The following PAX2 variants were observed in gnomAD, a reference collection of about 807,000 sequenced individuals.
The protein encoded by PAX2 is paired box 2, also known as paired box protein Pax-2.
Under a neutral mutation model 41.7 loss-of-function variants are expected in PAX2, and 9 were observed. The observed-to-expected ratio is 0.22, with a 90% CI of 0.13 to 0.38. The LOEUF (loss-of-function observed/expected upper bound fraction) is 0.38. Among genes scored for constraint, PAX2 ranks in the 10% least tolerant of loss-of-function variants. The pLI is 1.00. For synonymous variants in PAX2, 221 were observed against 212.7 expected (o/e 1.04, Z -0.34); for missense variants, 418 against 531.6 (o/e 0.79, Z 2.10).
chr10:100,786,454 A>G (rs528463785), intron 5 of PAX2, among the ~76,000 whole-genome samples: 28 of 152,324 alleles, frequency 1.8e-4, no homozygotes, highest in Admixed American at 1.0e-3. Flanking sequence ...TACCTTGGAA[A>G]ATGTATGTTT....
At chr10:100,825,596 C>G (rs185702882) in intron 8 of PAX2, among the ~76,000 whole-genome samples, 147 of 152,298 alleles carry the variant, frequency 9.7e-4, no homozygotes, top group African/African-American at 3.3e-3. Context: ...CTCACTCAGC[C>G]AGCAACTCAC....
At position 100,748,907 on chromosome 10, in the gene PAX2, G is replaced by A. The variant is rs1845321145; in HGVS notation, c.44-839G>A. The A allele has an allele frequency of 4.1e-6, 4 of 985,246 alleles. No homozygotes were observed. In the African/African-American group the frequency reaches 5.2e-5, roughly 13 times the overall value. 61.0% of individuals were successfully genotyped at this position (985,246 alleles called of 1,614,324 possible). ...CTATGCCGTGCCACCTGGGCGAGAC[G>A]GTGGGCCCCAACCAGGCTCTGCGAG... On this transcript the variant is annotated intron_variant, in intron 1 of 9. Transcript: ENST00000355243. The surrounding 1 kb of genome is among the most constrained non-coding windows in gnomAD (Gnocchi z 5.0).
At chr10:100,769,215 A>G (rs1846125399) in intron 3 of PAX2, among the ~76,000 whole-genome samples, 1 of 152,218 alleles carries the variant, frequency 6.6e-6, no homozygotes, top group African/African-American at 2.4e-5. Flanking sequence ...TAGATTATGG[A>G]CAATAATCTT....
At chr10:100,772,447 C>A (rs1007780693) in intron 3 of PAX2, among the ~76,000 whole-genome samples, 1 of 152,238 alleles carries the variant, frequency 6.6e-6, no homozygotes, top group African/African-American at 2.4e-5. Flanking sequence ...AGCCACCATG[C>A]CTGGCTGCAA....
intron 1 of PAX2, among the ~76,000 whole-genome samples, chr10:100,737,451 A>G (rs1844812344): frequency 6.6e-6 from 1 of 152,094 alleles, no homozygotes; most frequent in South Asian, 2.1e-4. Flanking sequence ...CAGCGGCCCG[A>G]CTCCGCACCG....
At chr10:100,769,680 A>AAAAAT (rs1564717111) in intron 3 of PAX2, among the ~76,000 whole-genome samples, 2 of 150,822 alleles carry the variant, frequency 1.3e-5, no homozygotes, top group African/African-American at 2.4e-5. Context: ...AAAAAAATAA[A>AAAAAT]AAACAAAAAA....
At chr10:100,762,714 AAGAC>A (rs1392729068) in intron 3 of PAX2, among the ~76,000 whole-genome samples, 1 of 152,320 alleles carries the variant, frequency 6.6e-6, no homozygotes, top group South Asian at 2.1e-4. Flanking sequence ...GAAATGATAA[AAGAC>A]AGAGCACTAA....
chr10:100,743,432 G>A (rs576972178), upstream of PAX2, among the ~76,000 whole-genome samples: 23 of 152,112 alleles, frequency 1.5e-4, no homozygotes, highest in Non-Finnish European at 3.1e-4. Flanking sequence ...GGAAGGGGGG[G>A]GGTTTACTCA....
At chr10:100,786,709 C>T (rs1261053113) in intron 5 of PAX2, among the ~76,000 whole-genome samples, 4 of 152,186 alleles carry the variant, frequency 2.6e-5, no homozygotes, top group Non-Finnish European at 5.9e-5. Context: ...CATCACCCTA[C>T]CTTCTGCTGA....
Position 100,748,323 on chromosome 10 carries a change from G to A in PAX2, c.44-1423G>A, listed in dbSNP as rs1845283037. The A allele has an allele frequency of 2.0e-6, 2 of 984,462 alleles. No individual in the cohort carries two copies. The highest frequency in any genetic ancestry group is 2.4e-6 in the Non-Finnish European group (2 of 829,338). The allele number at this position is 984,462 out of a possible 1,614,324, so 61.0% of individuals were successfully genotyped here. A position where few individuals can be genotyped will look rare whatever the true frequency, so the allele number is the denominator to read the frequency against. Reference sequence around the variant, plus strand: ...TGAGAAGTGGGGCTAGAGATAGGGAGATTAACGGGGTGGGCAAGGGGGTAA... The same window carrying A: ...TGAGAAGTGGGGCTAGAGATAGGGAAATTAACGGGGTGGGCAAGGGGGTAA... On this transcript the variant is annotated intron_variant, in intron 1 of 9. Coordinates refer to ENST00000355243, the MANE Select transcript of PAX2 (RefSeq NM_000278.5). The surrounding 1 kb of genome is among the most constrained non-coding windows in gnomAD (Gnocchi z 5.0).
intron 5 of PAX2, among the ~76,000 whole-genome samples, chr10:100,781,851 C>T (rs1438619945): frequency 2.0e-5 from 3 of 152,158 alleles, no homozygotes; most frequent in Non-Finnish European, 4.4e-5. Context: ...CATGGGACCC[C>T]TCTCTCCTCT....
chr10:100,829,768 G>T lies in PAX2; in HGVS notation c.*2149G>T, dbSNP rs1449082614. 4.9e-6 allele frequency: 1 copy of T among 205,494 alleles called. No individual in the cohort carries two copies. Among genetic ancestry groups the T allele is most frequent in the Admixed American group, 6.0e-5 (1 of 16,784 alleles). The allele number at this position is 205,494 out of a possible 1,614,324, so 12.7% of individuals were successfully genotyped here. A position where few individuals can be genotyped will look rare whatever the true frequency, so the allele number is the denominator to read the frequency against. On this transcript the variant is annotated 3_prime_UTR_variant, in exon 10 of 10. Coordinates refer to ENST00000355243, the MANE Select transcript of PAX2 (RefSeq NM_000278.5). ...GGTCCGGCCCATCCCAGTCCTGTGG[G>T]GCTGGCCGGGCAGAGACCCCGGACC... is the stretch of plus-strand genomic sequence containing the variant.
chr10:100,774,979 G>T lies in PAX2; in HGVS notation c.411-4519G>T, dbSNP rs560402035. ...CCCAGGAAAGGGCGAGCTCTCATCG[G>T]AAATGGTGGAGGAGAAAGAGCATCT... is the stretch of plus-strand genomic sequence containing the variant. On this transcript the variant is annotated intron_variant, in intron 3 of 9. Transcript: ENST00000355243. 8.5e-5 allele frequency among the ~76,000 whole-genome samples: 13 copies of T among 152,380 alleles called. No individual in the cohort carries two copies. The South Asian group carries it at 2.7e-3, about 32-fold the overall frequency.
rs1405686131 is a variant in PAX2, at chr10:100,748,371, C to T, written c.44-1375C>T. Reference sequence around the variant, plus strand: ...TAAAAGAAGGGGCTTCAGTCTCTCCCAGCAACGCGATCAGAGGTCTTTCCC... The same window carrying T: ...TAAAAGAAGGGGCTTCAGTCTCTCCTAGCAACGCGATCAGAGGTCTTTCCC... On this transcript the variant is annotated intron_variant, in intron 1 of 9. Coordinates refer to ENST00000355243, the MANE Select transcript of PAX2 (RefSeq NM_000278.5). This position sits in a 1 kb window ranked among gnomAD's most constrained non-coding sequence, Gnocchi z 5.0. 1.0e-6 allele frequency: 1 copy of T among 984,146 alleles called. No homozygotes were observed. Among genetic ancestry groups the T allele is most frequent in the East Asian group, 1.1e-4 (1 of 8,772 alleles). 61.0% of individuals were successfully genotyped at this position (984,146 alleles called of 1,614,324 possible). A position where few individuals can be genotyped will look rare whatever the true frequency, so the allele number is the denominator to read the frequency against.
chr10:100,805,001 C>CT (rs1847712725), intron 5 of PAX2, among the ~76,000 whole-genome samples: 1 of 64,294 alleles, frequency 1.6e-5, no homozygotes, highest in African/African-American at 1.1e-4. Context: ...CTCTCTCCTT[C>CT]TCTCTCTCTC....
At chr10:100,761,127 A>T (rs1189574407) in intron 3 of PAX2, among the ~76,000 whole-genome samples, 2 of 152,050 alleles carry the variant, frequency 1.3e-5, no homozygotes, top group African/African-American at 4.8e-5. Flanking sequence ...ATCAACACAG[A>T]TATGCCTCGC....
At position 100,770,186 on chromosome 10, in the gene PAX2, C is replaced by T. The variant is rs1443422268; in HGVS notation, c.411-9312C>T. Reference sequence around the variant, plus strand: ...ACATCTGCTGCTGCTCATGTGACTGCAGAGGGAGGTGAGCATGCCTGTGGT... The same window carrying T: ...ACATCTGCTGCTGCTCATGTGACTGTAGAGGGAGGTGAGCATGCCTGTGGT... On this transcript the variant is annotated intron_variant, in intron 3 of 9. Transcript: ENST00000355243. Among the ~76,000 whole-genome samples the T allele has an allele frequency of 3.3e-5, 5 of 152,264 alleles. No individual in the cohort carries two copies. The East Asian group carries it at 9.7e-4, about 29-fold the overall frequency.
chr10:100,766,222 G>A (rs1388467697), intron 3 of PAX2, among the ~76,000 whole-genome samples: 1 of 152,168 alleles, frequency 6.6e-6, no homozygotes, highest in East Asian at 1.9e-4. Context: ...GCAGGCACAG[G>A]CAATCTCCTG....
At chr10:100,806,642 G>T in intron 6 of PAX2, 37 bp downstream of exon 6, 1 of 1,590,794 alleles carries the variant, frequency 6.3e-7, no homozygotes. Context: ...AAGTAGAAAG[G>T]AGCCGGCAGA....
Sources: gnomAD v4.1 joint callset for allele counts (sites outside exome capture counted in the v4.1 genomes callset) on GRCh38, gnomAD v4.1.1 for gene constraint, Gnocchi (gnomAD v3.1) non-coding constraint, MANE v1.5 for transcripts, NCBI Gene and HGNC (gene_info 2026-07-23, HGNC 2026-07-21) for gene names.